DLGAP2: variants seen among roughly 807,000 people sequenced by gnomAD.
DLGAP2 encodes disks large-associated protein 2.
In DLGAP2, 26 loss-of-function variants were observed where a neutral mutation model predicts 100.3. That is an observed-to-expected ratio of 0.26 (90% CI 0.19 to 0.36). The LOEUF is 0.36. DLGAP2 is among the 10% of genes least tolerant of loss of function. The pLI, the probability that DLGAP2 is intolerant of heterozygous loss-of-function variation, is 1.00. For synonymous variants in DLGAP2, 886 were observed against 630.1 expected, an observed-to-expected ratio of 1.41 and a Z score of -6.08; for missense variants, 1,858 against 1,453.2, an observed-to-expected ratio of 1.28 and a Z score of -4.53.
intron 3 of DLGAP2, among the ~76,000 whole-genome samples, chr8:1,279,165 T>C (rs1301273980): frequency 6.6e-6 from 1 of 152,210 alleles, no homozygotes; most frequent in African/African-American, 2.4e-5. Flanking sequence ...GACAGTCTTA[T>C]CTATGATAAT....
intron 2 of DLGAP2, among the ~76,000 whole-genome samples, chr8:1,083,219 C>T: frequency 6.6e-6 from 1 of 152,164 alleles, no homozygotes; most frequent in Non-Finnish European, 1.5e-5. Flanking sequence ...TCGCGTAACA[C>T]AAATGTCAGC....
intron 4 of DLGAP2, among the ~76,000 whole-genome samples, chr8:1,545,987 G>T (rs1274493900): frequency 2.0e-5 from 3 of 152,178 alleles, no homozygotes. Flanking sequence ...ATAATAGGAT[G>T]ACAACTTTAT....
At chr8:1,085,153 A>C (rs1326368823) in intron 2 of DLGAP2, among the ~76,000 whole-genome samples, 2 of 152,214 alleles carry the variant, frequency 1.3e-5, no homozygotes, top group African/African-American at 2.4e-5. Flanking sequence ...TGGCCATTCA[A>C]GTGCCTTCTT....
intron 2 of DLGAP2, among the ~76,000 whole-genome samples, chr8:1,235,374 C>T (rs1479429223): frequency 2.0e-5 from 3 of 150,238 alleles, no homozygotes; most frequent in Non-Finnish European, 4.4e-5. Context: ...GTGTCTAGTT[C>T]CCTCACACAT....
chr8:1,661,660 T>A (rs902999668), intron 8 of DLGAP2, among the ~76,000 whole-genome samples: 2 of 152,172 alleles, frequency 1.3e-5, no homozygotes, highest in African/African-American at 4.8e-5. Context: ...ATGTGAGGTC[T>A]TTGGTCTCAT....
chr8:823,810 G>A (rs780296691), intron 1 of DLGAP2, among the ~76,000 whole-genome samples: 2 of 152,208 alleles, frequency 1.3e-5, no homozygotes, highest in Admixed American at 6.5e-5. Context: ...GGAGCCCGGG[G>A]CAGCCAGGAC....
At chr8:1,210,502 A>C (rs927847501) in intron 2 of DLGAP2, among the ~76,000 whole-genome samples, 3 of 152,204 alleles carry the variant, frequency 2.0e-5, no homozygotes, top group Non-Finnish European at 4.4e-5. Flanking sequence ...GCGGGCAGGC[A>C]GCTCAGCTCT....
chr8:932,212 C>A (rs1033229122), intron 2 of DLGAP2, among the ~76,000 whole-genome samples: 6 of 152,184 alleles, frequency 3.9e-5, no homozygotes, highest in Non-Finnish European at 7.3e-5. Context: ...TGACCAAAGT[C>A]CATAAACACA....
intron 2 of DLGAP2, among the ~76,000 whole-genome samples, chr8:1,099,778 T>A (rs1438467026): frequency 6.6e-6 from 1 of 152,224 alleles, no homozygotes; most frequent in African/African-American, 2.4e-5. Flanking sequence ...ACAGGTCTTT[T>A]ATATTTACCC....
At chr8:748,398 C>T (rs138675459) in intron 1 of DLGAP2, among the ~76,000 whole-genome samples, 199 of 152,100 alleles carry the variant, frequency 1.3e-3, no homozygotes, top group African/African-American at 4.7e-3. Flanking sequence ...TCAGCTCAGC[C>T]GCATGCTCCA....
At chr8:867,726 G>A (rs1473477729) in intron 1 of DLGAP2, among the ~76,000 whole-genome samples, 2 of 152,210 alleles carry the variant, frequency 1.3e-5, no homozygotes, top group Non-Finnish European at 2.9e-5. Flanking sequence ...GGTAGTGGAT[G>A]CAGGTTTCTC....
intron 2 of DLGAP2, among the ~76,000 whole-genome samples, chr8:964,657 C>T (rs1799803463): frequency 6.6e-6 from 1 of 152,242 alleles, no homozygotes; most frequent in South Asian, 2.1e-4. Context: ...CTCACCAAGG[C>T]CTGGTCCTTC....
At chr8:1,263,053 C>A (rs918318798) in intron 3 of DLGAP2, among the ~76,000 whole-genome samples, 21 of 152,056 alleles carry the variant, frequency 1.4e-4, no homozygotes, top group Non-Finnish European at 2.1e-4. Flanking sequence ...GTGTTATTTG[C>A]CCCCATTAAA....
intron 3 of DLGAP2, chr8:1,301,219 C>G (rs957839040): frequency 6.6e-6 from 1 of 152,336 alleles, no homozygotes; most frequent in South Asian, 2.1e-4. Flanking sequence ...CCATCGATAC[C>G]TGACGTGGGA....
intron 6 of DLGAP2, among the ~76,000 whole-genome samples, chr8:1,577,831 A>T (rs930082217): frequency 4.6e-5 from 7 of 152,146 alleles, no homozygotes; most frequent in African/African-American, 1.7e-4. Flanking sequence ...CGTGGTCAGC[A>T]CTGACCTTCC....
At chr8:904,851 C>A (rs1798342291) in intron 1 of DLGAP2, among the ~76,000 whole-genome samples, 2 of 152,188 alleles carry the variant, frequency 1.3e-5, no homozygotes, top group Non-Finnish European at 2.9e-5. Flanking sequence ...TTTAAAAGTG[C>A]CTTTGGGCAA....
At chr8:1,287,496 G>GTGT (rs1234083033) in intron 3 of DLGAP2, among the ~76,000 whole-genome samples, 1,354 of 70,040 alleles carry the variant, frequency 0.019, 187 homozygotes, top group African/African-American at 0.054. Context: ...GTGTGTGTGT[G>GTGT]GTTCTGTTAG....
In DLGAP2 at chr8:1,676,558, C is replaced by T. The variant is rs367964215; in HGVS notation, c.2228C>T (p.Thr743Met). Residue 743 changes from threonine to methionine, a missense_variant, in exon 11 of 15, where the codon ACG becomes ATG. Physicochemically the swap from Thr to Met is moderately conservative, Grantham distance 81. Coordinates refer to ENST00000637795, the MANE Select transcript of DLGAP2 (RefSeq NM_001346810.2). The stretch of plus-strand genomic sequence containing the variant: ...GTGGAAACGGCCACAGATTCTGACA[C>T]GGAGAGCCGCGGTCTGCGGGAATAC... ...SDVETATDSD[T>M]ESRGLREYHS... 5 of 1,613,294 alleles carry T rather than the reference C, an allele frequency of 3.1e-6. No homozygotes were observed. The highest frequency in any genetic ancestry group is 1.7e-5 in the Admixed American group (1 of 59,942).
intron 6 of DLGAP2, among the ~76,000 whole-genome samples, chr8:1,611,088 A>C (rs1021312328): frequency 3.5e-5 from 5 of 141,794 alleles, no homozygotes; most frequent in Admixed American, 1.4e-4. Flanking sequence ...CACAACCAAA[A>C]AAGAGAATTT....
Sources: gnomAD v4.1 joint callset for allele counts (sites outside exome capture counted in the v4.1 genomes callset) on GRCh38, gnomAD v4.1.1 for gene constraint, MANE v1.5 for transcripts, NCBI Gene and HGNC (gene_info 2026-07-23, HGNC 2026-07-21) for gene names.